Variants in EPHA6 observed in about 807,000 individuals in gnomAD.
EPHA6 encodes the protein EPH receptor A6.
A neutral mutation model predicts 112.0 loss-of-function variants in EPHA6; 50 were observed. The observed-to-expected ratio is 0.45, with a 90% CI of 0.36 to 0.56. The LOEUF (loss-of-function observed/expected upper bound fraction) is 0.56. Among genes scored for constraint, EPHA6 ranks in the 20% least tolerant of loss-of-function variants. The pLI, the probability that EPHA6 is intolerant of heterozygous loss-of-function variation, is 0.00. For missense variants in EPHA6, 1,280 were observed against 1,417.4 expected (o/e 0.90, Z 1.56); for synonymous variants, 529 against 490.7 (o/e 1.08, Z -1.03).
intron 5 of EPHA6, among the ~76,000 whole-genome samples, chr3:97,298,052 G>A (rs901456857): frequency 6.6e-5 from 10 of 152,106 alleles, no homozygotes; most frequent in African/African-American, 1.9e-4. Context: ...ATGAACCACC[G>A]TGCCTGGGTG....
At chr3:97,672,636 G>T (rs1458698768) in intron 14 of EPHA6, among the ~76,000 whole-genome samples, 2 of 151,926 alleles carry the variant, frequency 1.3e-5, no homozygotes, top group Admixed American at 1.3e-4. Context: ...AAGGCAAAAT[G>T]GAAGGACAGA....
chr3:97,576,489 G>A (rs1450335154), intron 11 of EPHA6, among the ~76,000 whole-genome samples: 1 of 152,130 alleles, frequency 6.6e-6, no homozygotes, highest in Non-Finnish European at 1.5e-5. Context: ...AGTGCACACT[G>A]GCATGTAAAT....
At chr3:96,874,042 C>T (rs901238587) in intron 2 of EPHA6, among the ~76,000 whole-genome samples, 2 of 152,058 alleles carry the variant, frequency 1.3e-5, no homozygotes, top group Non-Finnish European at 2.9e-5. Flanking sequence ...TCATGTCAAT[C>T]CCAAAGCCAA....
chr3:97,623,537 T>A (rs2093830470), intron 13 of EPHA6, among the ~76,000 whole-genome samples: 1 of 151,676 alleles, frequency 6.6e-6, no homozygotes, highest in Admixed American at 6.6e-5. Context: ...TGGCTTACTA[T>A]CCTTCTAAGA....
chr3:97,697,847 G>T (rs1302527365), intron 14 of EPHA6, among the ~76,000 whole-genome samples: 2 of 152,088 alleles, frequency 1.3e-5, no homozygotes, highest in African/African-American at 4.8e-5. Flanking sequence ...AACTTCCCAA[G>T]TTGACTCCCA....
At chr3:97,090,440 C>A (rs1194271157) in intron 3 of EPHA6, among the ~76,000 whole-genome samples, 2 of 152,008 alleles carry the variant, frequency 1.3e-5, no homozygotes, top group Non-Finnish European at 2.9e-5. Context: ...GGTGGTTAGA[C>A]ATTGTAATTT....
At chr3:97,218,740 C>A (rs2078105876) in intron 3 of EPHA6, among the ~76,000 whole-genome samples, 1 of 152,102 alleles carries the variant, frequency 6.6e-6, no homozygotes, top group Non-Finnish European at 1.5e-5. Flanking sequence ...ATTATGATAC[C>A]AATCATGCCT....
At chr3:97,348,751 TC>T (rs1663375373) in intron 5 of EPHA6, among the ~76,000 whole-genome samples, 1 of 151,986 alleles carries the variant, frequency 6.6e-6, no homozygotes. Context: ...ACTAAGTGTA[TC>T]ACAAGGTAGG....
intron 15 of EPHA6, among the ~76,000 whole-genome samples, chr3:97,731,917 C>A (rs2035052883): frequency 6.6e-6 from 1 of 151,926 alleles, no homozygotes; most frequent in African/African-American, 2.4e-5. Flanking sequence ...CACATCTAAT[C>A]TCAGCCCAGT....
chr3:96,945,709 T>A (rs1576128677), intron 2 of EPHA6, among the ~76,000 whole-genome samples: 1 of 152,102 alleles, frequency 6.6e-6, no homozygotes, highest in East Asian at 1.9e-4. Flanking sequence ...GAAAAAAATA[T>A]ATATATATCT....
chr3:97,268,922 T>C (rs2079787651), intron 5 of EPHA6, among the ~76,000 whole-genome samples: 1 of 152,212 alleles, frequency 6.6e-6, no homozygotes, highest in African/African-American at 2.4e-5. Flanking sequence ...AGTTATAACT[T>C]TATTATAATT....
chr3:96,995,940 C>G (rs192592535), intron 3 of EPHA6, among the ~76,000 whole-genome samples: 21 of 152,204 alleles, frequency 1.4e-4, no homozygotes, highest in Middle Eastern at 3.4e-3. Context: ...TCAGTTGACT[C>G]TTTCATGAAA....
intron 10 of EPHA6, among the ~76,000 whole-genome samples, chr3:97,523,538 A>G (rs1405813371): frequency 6.6e-6 from 1 of 152,014 alleles, no homozygotes; most frequent in Non-Finnish European, 1.5e-5. Context: ...TGTTAGGTCC[A>G]TTTGGGGTAA....
intron 11 of EPHA6, among the ~76,000 whole-genome samples, chr3:97,552,153 A>G (rs920405333): frequency 2.0e-5 from 3 of 152,348 alleles, no homozygotes; most frequent in Non-Finnish European, 4.4e-5. Flanking sequence ...ATTTCACACA[A>G]GCTACCTCCA....
intron 5 of EPHA6, among the ~76,000 whole-genome samples, chr3:97,298,444 G>A (rs115523881): frequency 0.015 from 2,268 of 152,228 alleles, 54 homozygotes; most frequent in African/African-American, 0.049. Flanking sequence ...CCTGTTTCTA[G>A]GACATGGGGA....
At chr3:97,522,240 A>C (rs554574826) in intron 10 of EPHA6, among the ~76,000 whole-genome samples, 1 of 152,302 alleles carries the variant, frequency 6.6e-6, no homozygotes, top group East Asian at 1.9e-4. Flanking sequence ...CTCCAAGATC[A>C]AAAGTTTCTG....
chr3:97,185,637 T>C (rs2077106282), intron 3 of EPHA6, among the ~76,000 whole-genome samples: 1 of 152,006 alleles, frequency 6.6e-6, no homozygotes, highest in Non-Finnish European at 1.5e-5. Flanking sequence ...AGCTCAACCA[T>C]TGTGGAAGTC....
intron 15 of EPHA6, among the ~76,000 whole-genome samples, chr3:97,731,697 T>C (rs751309169): frequency 1.3e-5 from 2 of 152,054 alleles, no homozygotes; most frequent in Non-Finnish European, 2.9e-5. Flanking sequence ...AGACCTAAAT[T>C]AGGTAAACTG....
intron 2 of EPHA6, among the ~76,000 whole-genome samples, chr3:96,940,309 A>T (rs1267806563): frequency 6.6e-6 from 1 of 152,058 alleles, no homozygotes; most frequent in Non-Finnish European, 1.5e-5. Flanking sequence ...TATATATTTA[A>T]GATAGTTAGC....
Sources: allele counts gnomAD v4.1 joint callset (sites outside exome capture counted in the v4.1 genomes callset), GRCh38; gene constraint gnomAD v4.1.1; transcripts MANE v1.5; gene names NCBI Gene and HGNC (gene_info 2026-07-23, HGNC 2026-07-21).